The following SPOPL variants were observed in gnomAD, a reference collection of about 807,000 sequenced individuals.
SPOPL encodes the protein speckle-type POZ protein-like.
A neutral mutation model predicts 53.8 loss-of-function variants in SPOPL; 23 were observed. That is an observed-to-expected ratio of 0.43 (90% CI 0.31 to 0.61). SPOPL has a LOEUF of 0.61. Among genes scored for constraint, SPOPL ranks in the 20% least tolerant of loss-of-function variants. The pLI is 0.12. For synonymous variants in SPOPL, 164 were observed against 149.7 expected, an observed-to-expected ratio of 1.10 and a Z score of -0.70; for missense variants, 442 against 466.9, an observed-to-expected ratio of 0.95 and a Z score of 0.49.
intron 1 of SPOPL, among the ~76,000 whole-genome samples, chr2:138,547,220 C>A (rs1301274214): frequency 6.6e-6 from 1 of 152,158 alleles, no homozygotes; most frequent in East Asian, 1.9e-4. Context: ...CTTGCCTCAG[C>A]CTCCCAAAGT....
chr2:138,538,496 G>T (rs558159954), intron 1 of SPOPL, among the ~76,000 whole-genome samples: 1 of 152,132 alleles, frequency 6.6e-6, no homozygotes, highest in East Asian at 1.9e-4. Flanking sequence ...AGTCTGTTTT[G>T]TCTTATGGTA....
intron 1 of SPOPL, among the ~76,000 whole-genome samples, chr2:138,511,183 G>A (rs373554399): frequency 6.6e-6 from 1 of 152,102 alleles, no homozygotes; most frequent in African/African-American, 2.4e-5. Context: ...CTTGAATTGT[G>A]GAGTATCTTG....
At chr2:138,538,947 G>A (rs932712425) in intron 1 of SPOPL, among the ~76,000 whole-genome samples, 8 of 151,960 alleles carry the variant, frequency 5.3e-5, no homozygotes, top group Non-Finnish European at 1.0e-4. Flanking sequence ...CCCTTCCTGT[G>A]TTCGTGTGTT....
chr2:138,514,386 GTGAGCAGAGGGGTGACTT>G (rs1045216570), intron 1 of SPOPL, among the ~76,000 whole-genome samples: 3 of 152,242 alleles, frequency 2.0e-5, no homozygotes, highest in African/African-American at 7.2e-5. Flanking sequence ...ATTTAGCTCA[GTGAGCAGAGGGGTGACTT>G]TGAATACAAT....
chr2:138,503,991 G>A (rs1212468576), intron 1 of SPOPL, among the ~76,000 whole-genome samples: 1 of 152,070 alleles, frequency 6.6e-6, no homozygotes, highest in Non-Finnish European at 1.5e-5. Context: ...AAAAAATGCT[G>A]ACAGTTTTTG....
At chr2:138,562,212 T>C (rs944370795) in intron 8 of SPOPL, among the ~76,000 whole-genome samples, 1 of 151,828 alleles carries the variant, frequency 6.6e-6, no homozygotes, top group African/African-American at 2.4e-5. Flanking sequence ...AATTTTATTA[T>C]AATAACTTTG....
At chr2:138,544,349 A>T (rs1050020517) in intron 1 of SPOPL, among the ~76,000 whole-genome samples, 1 of 152,206 alleles carries the variant, frequency 6.6e-6, no homozygotes, top group Non-Finnish European at 1.5e-5. Context: ...TACAGAGGCA[A>T]ACAGGCCTCC....
Position 138,572,511 on chromosome 2 carries a change from A to G in SPOPL, c.*3431A>G, listed in dbSNP as rs1230012622. On this transcript the variant is annotated 3_prime_UTR_variant, in exon 11 of 11. Coordinates refer to ENST00000280098, the MANE Select transcript of SPOPL (RefSeq NM_001001664.3). ...AGGGATTGTGAAAATCCAGCTCAAC[A>G]TACTTAAGTATACTTGGCTTAGAGC... 2 of 152,480 alleles carry G rather than the reference A, an allele frequency of 1.3e-5. No individual in the cohort carries two copies. The highest frequency in any genetic ancestry group is 2.9e-5 in the Non-Finnish European group (2 of 67,992). 9.4% of individuals were successfully genotyped at this position (152,480 alleles called of 1,614,324 possible).
chr2:138,537,045 A>G (rs1047364921), intron 1 of SPOPL, among the ~76,000 whole-genome samples: 5 of 152,218 alleles, frequency 3.3e-5, no homozygotes, highest in African/African-American at 9.6e-5. Context: ...TGCCCAAAGT[A>G]GAGCCTCCAC....
At chr2:138,543,660 CT>C (rs2104885366) in intron 1 of SPOPL, among the ~76,000 whole-genome samples, 1 of 152,206 alleles carries the variant, frequency 6.6e-6, no homozygotes, top group South Asian at 2.1e-4. Flanking sequence ...AGGTTTTTAA[CT>C]TCTTTGCCAT....
At chr2:138,547,736 G>A (rs966482238) in intron 1 of SPOPL, among the ~76,000 whole-genome samples, 30 of 152,236 alleles carry the variant, frequency 2.0e-4, no homozygotes, top group Admixed American at 7.2e-4. Flanking sequence ...ATATTTAGAT[G>A]TATTTGACGT....
intron 1 of SPOPL, among the ~76,000 whole-genome samples, chr2:138,527,198 A>T (rs1435756374): frequency 6.6e-6 from 1 of 152,046 alleles, no homozygotes; most frequent in Non-Finnish European, 1.5e-5. Flanking sequence ...CTAGGTATAG[A>T]TCTTTTTTCA....
At chr2:138,548,860 T>C (rs1410838986) in intron 1 of SPOPL, among the ~76,000 whole-genome samples, 1 of 152,158 alleles carries the variant, frequency 6.6e-6, no homozygotes, top group East Asian at 1.9e-4. Context: ...TAATAATCAT[T>C]ACTCTTTCAG....
intron 1 of SPOPL, among the ~76,000 whole-genome samples, chr2:138,541,509 A>G (rs946659868): frequency 5.9e-5 from 9 of 152,288 alleles, no homozygotes; most frequent in African/African-American, 2.2e-4. Flanking sequence ...CATTTCTTCT[A>G]GATTTTCTAG....
chr2:138,517,525 G>T (rs1437869064), intron 1 of SPOPL, among the ~76,000 whole-genome samples: 1 of 152,030 alleles, frequency 6.6e-6, no homozygotes, highest in Non-Finnish European at 1.5e-5. Context: ...AGGATCGCAA[G>T]GTCAGGAGAT....
chr2:138,544,468 A>G (rs1685146759), intron 1 of SPOPL, among the ~76,000 whole-genome samples: 1 of 152,144 alleles, frequency 6.6e-6, no homozygotes, highest in Non-Finnish European at 1.5e-5. Flanking sequence ...GCCGCCTTGC[A>G]GTTTGATCTC....
intron 1 of SPOPL, among the ~76,000 whole-genome samples, chr2:138,532,255 G>A (rs1340130708): frequency 3.3e-5 from 5 of 152,106 alleles, no homozygotes; most frequent in Non-Finnish European, 7.4e-5. Flanking sequence ...CTCCAGCGCC[G>A]TAAGGCCAAC....
chr2:138,502,259 G>A (rs1364556162), intron 1 of SPOPL, 140 bp downstream of exon 1: 4 of 152,548 alleles, frequency 2.6e-5, no homozygotes, highest in Non-Finnish European at 5.9e-5. Flanking sequence ...CCCCTGCTCG[G>A]GCGGCGAGCT....
intron 8 of SPOPL, among the ~76,000 whole-genome samples, chr2:138,562,346 A>C (rs183543597): frequency 6.6e-6 from 1 of 152,332 alleles, no homozygotes; most frequent in African/African-American, 2.4e-5. Flanking sequence ...AGAATAAAGA[A>C]TATGAATATG....
Sources: gnomAD v4.1 joint callset for allele counts (sites outside exome capture counted in the v4.1 genomes callset) on GRCh38, gnomAD v4.1.1 for gene constraint, MANE v1.5 for transcripts, NCBI Gene and HGNC (gene_info 2026-07-23, HGNC 2026-07-21) for gene names.